Variants in EPHA4 observed in about 807,000 individuals in gnomAD.
The protein encoded by EPHA4 is EPH receptor A4, also known as ephrin type-A receptor 4.
EPHA4 carries 19 observed loss-of-function variants against 108.3 expected under a neutral mutation model. That is an observed-to-expected ratio of 0.18 (90% confidence interval 0.12 to 0.26). The LOEUF (loss-of-function observed/expected upper bound fraction) is 0.26, where lower values mean the gene tolerates loss of function less well. Among genes scored for constraint, EPHA4 ranks in the 10% least tolerant of loss-of-function variants. The probability of loss-of-function intolerance (pLI) is 1.00; values close to 1 mark genes in which losing one functional copy is unlikely to be tolerated. For missense variants in EPHA4, 917 were observed against 1,254.0 expected (o/e 0.73, Z 4.06); for synonymous variants, 449 against 455.5 (o/e 0.99, Z 0.18).
At chr2:221,499,945 C>T (rs963642795) in intron 4 of EPHA4, among the ~76,000 whole-genome samples, 4 of 150,976 alleles carry the variant, frequency 2.6e-5, no homozygotes, top group South Asian at 4.2e-4. Flanking sequence ...TTAGTAGAGA[C>T]GGGGTTTCAC....
intron 3 of EPHA4, among the ~76,000 whole-genome samples, chr2:221,536,060 A>G (rs1693661171): frequency 6.6e-6 from 1 of 152,178 alleles, no homozygotes; most frequent in Admixed American, 6.5e-5. Flanking sequence ...CAGTTTACCA[A>G]GTTCCTATTC....
intron 13 of EPHA4, among the ~76,000 whole-genome samples, chr2:221,434,627 C>T (rs558811397): frequency 6.6e-6 from 1 of 152,306 alleles, no homozygotes; most frequent in African/African-American, 2.4e-5. Context: ...ATGTAGCTGA[C>T]ATTTGTTTGA....
rs1039726847 is a variant in EPHA4 at position 221,571,316 on chromosome 2, G to GC, written c.91+841dup. On this transcript the variant is annotated intron_variant, in intron 1 of 17. Transcript: ENST00000281821. This position sits in a 1 kb window ranked among gnomAD's most constrained non-coding sequence, Gnocchi z 6.3. ...GTTTCTCAGAAACTAAATGATCACCGCCCCCCCGCCCCGCCCCACCTCCCG... is the reference window on the plus strand; with the variant it reads ...GTTTCTCAGAAACTAAATGATCACCGCCCCCCCCGCCCCGCCCCACCTCCCG... Among the ~76,000 whole-genome samples the GC allele has an allele frequency of 3.1e-5, 4 of 127,732 alleles. No homozygotes were observed. Among genetic ancestry groups the GC allele is most frequent in the South Asian group, 2.5e-4 (1 of 3,960 alleles). The allele number at this position is 127,732 out of a possible 152,430, so 83.8% of individuals were successfully genotyped here.
intron 5 of EPHA4, among the ~76,000 whole-genome samples, chr2:221,469,205 T>C (rs1315725067): frequency 6.6e-6 from 1 of 152,206 alleles, no homozygotes; most frequent in Admixed American, 6.5e-5. Context: ...GTACTCAGTG[T>C]TACATTTTCA....
intron 11 of EPHA4, among the ~76,000 whole-genome samples, chr2:221,441,048 T>C (rs1690407535): frequency 6.6e-6 from 1 of 152,052 alleles, no homozygotes; most frequent in Non-Finnish European, 1.5e-5. Flanking sequence ...TTCCAGAAGA[T>C]TCTTATGTTT....
intron 3 of EPHA4, among the ~76,000 whole-genome samples, chr2:221,548,547 C>CT (rs554591058): frequency 1.2e-3 from 174 of 146,766 alleles, no homozygotes; most frequent in East Asian, 5.1e-3. Flanking sequence ...AATTAAACCA[C>CT]TTTTTTTTTT....
intron 3 of EPHA4, among the ~76,000 whole-genome samples, chr2:221,535,196 AT>A (rs1212405617): frequency 3.9e-5 from 6 of 152,224 alleles, no homozygotes; most frequent in Non-Finnish European, 7.3e-5. Context: ...GGCTTCCAAA[AT>A]GCTGTTCCTC....
intron 4 of EPHA4, among the ~76,000 whole-genome samples, chr2:221,493,318 C>A (rs567264148): frequency 6.6e-6 from 1 of 152,194 alleles, no homozygotes; most frequent in South Asian, 2.1e-4. Flanking sequence ...GACATCCCTC[C>A]CCAAATCCCT....
At chr2:221,477,807 C>T (rs1017478742) in intron 5 of EPHA4, among the ~76,000 whole-genome samples, 5 of 152,122 alleles carry the variant, frequency 3.3e-5, no homozygotes, top group Non-Finnish European at 7.3e-5. Flanking sequence ...GGGTTACATA[C>T]TTAGAATCAT....
At chr2:221,551,010 A>G (rs1460765336) in intron 3 of EPHA4, among the ~76,000 whole-genome samples, 1 of 152,118 alleles carries the variant, frequency 6.6e-6, no homozygotes, top group Non-Finnish European at 1.5e-5. Context: ...TATTATAGTT[A>G]AGTTATATCC....
intron 3 of EPHA4, among the ~76,000 whole-genome samples, chr2:221,513,166 T>A (rs1692881110): frequency 6.6e-6 from 1 of 152,234 alleles, no homozygotes; most frequent in Non-Finnish European, 1.5e-5. Flanking sequence ...TCACCCAAAC[T>A]AATTTAGACA....
At chr2:221,454,585 T>C (rs1170053780) in intron 8 of EPHA4, among the ~76,000 whole-genome samples, 1 of 152,232 alleles carries the variant, frequency 6.6e-6, no homozygotes, top group Non-Finnish European at 1.5e-5. Flanking sequence ...CAGCCCCATC[T>C]TGTGAAACAG....
At chr2:221,457,814 A>C (rs1409604842) in intron 6 of EPHA4, 52 bp downstream of exon 6, 1 of 1,563,008 alleles carries the variant, frequency 6.4e-7, no homozygotes, top group Non-Finnish European at 8.7e-7. Context: ...GAAAACAAAG[A>C]AGGAAGGAAG....
At chr2:221,429,278 C>T (rs1215403684) in intron 15 of EPHA4, among the ~76,000 whole-genome samples, 3 of 152,184 alleles carry the variant, frequency 2.0e-5, no homozygotes, top group Admixed American at 6.5e-5. Context: ...ACTTGTAGGA[C>T]TTATAGTATC....
At chr2:221,539,401 C>A (rs192507396) in intron 3 of EPHA4, among the ~76,000 whole-genome samples, 59 of 152,208 alleles carry the variant, frequency 3.9e-4, no homozygotes, top group African/African-American at 1.2e-3. Flanking sequence ...GATGGCATTA[C>A]ACAGCATAAG....
intron 3 of EPHA4, among the ~76,000 whole-genome samples, chr2:221,503,537 G>A (rs1231647514): frequency 6.6e-6 from 1 of 152,160 alleles, no homozygotes; most frequent in Non-Finnish European, 1.5e-5. Flanking sequence ...GCATTTGCAA[G>A]TTTACATTTT....
intron 3 of EPHA4, among the ~76,000 whole-genome samples, chr2:221,531,727 T>C (rs1693521701): frequency 1.4e-5 from 1 of 69,108 alleles, no homozygotes; most frequent in South Asian, 3.2e-4. Flanking sequence ...CACACATACA[T>C]TCGGCCTAAT....
chr2:221,431,331 TGG>T (rs1690069203), intron 14 of EPHA4, among the ~76,000 whole-genome samples: 1 of 152,224 alleles, frequency 6.6e-6, no homozygotes, highest in South Asian at 2.1e-4. Flanking sequence ...CACCCTGTGG[TGG>T]GTCTATTGAC....
At chr2:221,520,236 C>G (rs1475163051) in intron 3 of EPHA4, among the ~76,000 whole-genome samples, 1 of 152,092 alleles carries the variant, frequency 6.6e-6, no homozygotes, top group Non-Finnish European at 1.5e-5. Flanking sequence ...TCAAACCAGA[C>G]AGAGTACCAG....
Sources: allele counts gnomAD v4.1 joint callset (sites outside exome capture counted in the v4.1 genomes callset), GRCh38; gene constraint gnomAD v4.1.1; non-coding constraint Gnocchi (gnomAD v3.1); transcripts MANE v1.5; gene names NCBI Gene and HGNC (gene_info 2026-07-23, HGNC 2026-07-21).